LTBP1: variants seen among roughly 807,000 people sequenced by gnomAD.
LTBP1 encodes the protein latent transforming growth factor beta binding protein 1.
Under a neutral mutation model 207.6 loss-of-function variants are expected in LTBP1, and 129 were observed. That is an observed-to-expected ratio of 0.62 (90% CI 0.54 to 0.72). LTBP1 has a LOEUF of 0.72. Ranked by LOEUF, LTBP1 falls within the 30% of genes least tolerant of loss-of-function variation. The pLI is 0.00. For missense variants in LTBP1, 2,281 were observed against 2,217.2 expected, an observed-to-expected ratio of 1.03 and a Z score of -0.58; for synonymous variants, 963 against 833.7, an observed-to-expected ratio of 1.16 and a Z score of -2.67.
intron 14 of LTBP1, 151 bp downstream of exon 14, chr2:33,262,972 C>T (rs532808718): frequency 2.5e-4 from 135 of 537,176 alleles, no homozygotes; most frequent in Middle Eastern, 2.9e-4. Flanking sequence ...ATAATGTTAG[C>T]ATAATTACAG....
chr2:33,338,489 G>A (rs774063056), intron 24 of LTBP1, among the ~76,000 whole-genome samples: 2 of 152,188 alleles, frequency 1.3e-5, no homozygotes, highest in Non-Finnish European at 2.9e-5. Context: ...ACTCATTTTA[G>A]TAGGGAAATA....
chr2:33,221,981 A>G (rs1233686886), intron 8 of LTBP1, 99 bp from the exon 9 acceptor site: 2 of 751,636 alleles, frequency 2.7e-6, no homozygotes, highest in Admixed American at 4.0e-5. Context: ...TAAATGAATA[A>G]GTAAGTTTGC....
chr2:33,121,018 C>T (rs2150385785), intron 4 of LTBP1, among the ~76,000 whole-genome samples: 1 of 152,250 alleles, frequency 6.6e-6, no homozygotes, highest in Non-Finnish European at 1.5e-5. Flanking sequence ...ATATAATTCG[C>T]ATGGAGCTAA....
At chr2:33,023,759 A>G (rs1455980206) in intron 3 of LTBP1, among the ~76,000 whole-genome samples, 2 of 152,222 alleles carry the variant, frequency 1.3e-5, no homozygotes, top group Admixed American at 6.5e-5. Context: ...TACAAAGGAA[A>G]CTATACAAAG....
At chr2:33,114,161 G>T (rs1558654001) in intron 4 of LTBP1, among the ~76,000 whole-genome samples, 1 of 152,212 alleles carries the variant, frequency 6.6e-6, no homozygotes, top group Non-Finnish European at 1.5e-5. Flanking sequence ...TATCTCTAGT[G>T]ATAAATTAAT....
At chr2:33,320,622 A>T (rs1226721037) in intron 24 of LTBP1, among the ~76,000 whole-genome samples, 1 of 152,158 alleles carries the variant, frequency 6.6e-6, no homozygotes, top group African/African-American at 2.4e-5. Context: ...GCCCATCAAT[A>T]AATAGGTAAG....
At chr2:33,047,374 C>T (rs547561832) in intron 3 of LTBP1, among the ~76,000 whole-genome samples, 9 of 152,248 alleles carry the variant, frequency 5.9e-5, no homozygotes, top group East Asian at 3.9e-4. Context: ...GTTATGTACC[C>T]GGTAGTCAAT....
intron 2 of LTBP1, among the ~76,000 whole-genome samples, chr2:32,990,382 G>C (rs1684222922): frequency 6.6e-6 from 1 of 152,172 alleles, no homozygotes; most frequent in Non-Finnish European, 1.5e-5. Context: ...AAAGCGTAGG[G>C]TATTAATTTT....
At chr2:33,075,749 C>G (rs890149661) in intron 3 of LTBP1, among the ~76,000 whole-genome samples, 1 of 152,140 alleles carries the variant, frequency 6.6e-6, no homozygotes, top group African/African-American at 2.4e-5. Context: ...ATTTAATACT[C>G]TAAGTAAGTG....
chr2:33,358,620 C>T (rs1029992340), intron 26 of LTBP1, among the ~76,000 whole-genome samples: 3 of 152,022 alleles, frequency 2.0e-5, no homozygotes, highest in African/African-American at 7.2e-5. Context: ...AAATCTGAGG[C>T]TTCTTTTAGC....
At chr2:33,264,645 T>C (rs1040121570) in intron 15 of LTBP1, among the ~76,000 whole-genome samples, 1 of 152,184 alleles carries the variant, frequency 6.6e-6, no homozygotes, top group Non-Finnish European at 1.5e-5. Context: ...TCGACTTTCC[T>C]GGTAATCAAA....
intron 24 of LTBP1, among the ~76,000 whole-genome samples, chr2:33,319,902 A>G (rs2094328853): frequency 1.3e-5 from 2 of 152,330 alleles, no homozygotes; most frequent in Non-Finnish European, 2.9e-5. Context: ...CACTCCCTGA[A>G]GTATTGTCTT....
At chr2:32,954,437 G>A (rs1355333187) in intron 2 of LTBP1, among the ~76,000 whole-genome samples, 4 of 152,020 alleles carry the variant, frequency 2.6e-5, no homozygotes, top group Admixed American at 1.3e-4. Context: ...GTAGATGGCC[G>A]TCTCTTCCCT....
chr2:33,060,820 T>C (rs189875179), intron 3 of LTBP1, among the ~76,000 whole-genome samples: 2 of 152,302 alleles, frequency 1.3e-5, no homozygotes, highest in East Asian at 1.9e-4. Flanking sequence ...AAGGTTTATG[T>C]TTTTAAAAAA....
At chr2:33,193,070 A>G (rs2088097073) in intron 7 of LTBP1, among the ~76,000 whole-genome samples, 1 of 152,180 alleles carries the variant, frequency 6.6e-6, no homozygotes, top group Non-Finnish European at 1.5e-5. Context: ...TCATTAGATG[A>G]TATTTTGGAA....
chr2:33,096,870 A>T (rs2079429231), intron 3 of LTBP1, among the ~76,000 whole-genome samples: 1 of 152,154 alleles, frequency 6.6e-6, no homozygotes, highest in Non-Finnish European at 1.5e-5. Context: ...ACGTAGTGAG[A>T]CCCTCATCTC....
At chr2:33,320,867 G>A (rs187981439) in intron 24 of LTBP1, among the ~76,000 whole-genome samples, 198 of 152,248 alleles carry the variant, frequency 1.3e-3, no homozygotes, top group Middle Eastern at 6.8e-3. Flanking sequence ...GAGGAAGACA[G>A]GATATAAATG....
chr2:33,071,642 G>T (rs1975740), intron 3 of LTBP1, among the ~76,000 whole-genome samples: 1 of 39,180 alleles, frequency 2.6e-5, no homozygotes, highest in African/African-American at 4.2e-5. Context: ...TTATGATGTC[G>T]TAACAAGTCA....
chr2:33,054,480 T>C (rs558758761), intron 3 of LTBP1, among the ~76,000 whole-genome samples: 1 of 152,284 alleles, frequency 6.6e-6, no homozygotes, highest in Admixed American at 6.5e-5. Context: ...GGACAACAAA[T>C]GGGTAACTTG....
Sources: allele counts gnomAD v4.1 joint callset (sites outside exome capture counted in the v4.1 genomes callset), GRCh38; gene constraint gnomAD v4.1.1; transcripts MANE v1.5; gene names NCBI Gene and HGNC (gene_info 2026-07-23, HGNC 2026-07-21).